Variants in ZFHX4 observed in about 807,000 individuals in gnomAD.
ZFHX4 encodes the protein zinc finger homeobox protein 4.
A neutral mutation model predicts 267.6 loss-of-function variants in ZFHX4; 56 were observed. That is an observed-to-expected ratio of 0.21 (90% CI 0.17 to 0.26). The LOEUF (loss-of-function observed/expected upper bound fraction) is 0.26, where lower values mean the gene tolerates loss of function less well. Among genes scored for constraint, ZFHX4 ranks in the 10% least tolerant of loss-of-function variants. The pLI, the probability that ZFHX4 is intolerant of heterozygous loss-of-function variation, is 1.00. For synonymous variants in ZFHX4, 1,778 were observed against 1,665.6 expected (o/e 1.07, Z -1.64); for missense variants, 4,332 against 4,420.0 (o/e 0.98, Z 0.56).
chr8:76,863,965 C>T lies in ZFHX4; in HGVS notation c.10251C>T (p.Ala3417=), dbSNP rs371575243. The change falls in exon 11 of 11, where the codon GCC becomes GCT. Residue 3417 remains alanine (A), a synonymous_variant. Transcript: ENST00000651372. ...AGATGATGTTTACTGATGAAGACGC[C>T]GCAGTAAATCATCAAAAGTCCTTCT... The part of the protein sequence containing the change: ...KCQMMFTDED[A]AVNHQKSFCY... 1.0e-4 allele frequency: 164 copies of T among 1,611,726 alleles called. No homozygotes were observed. Among genetic ancestry groups the T allele is most frequent in the East Asian group, 5.6e-4 (25 of 44,702 alleles).
chr8:76,722,417 G>T (rs967861598), intron 3 of ZFHX4, among the ~76,000 whole-genome samples: 1 of 151,924 alleles, frequency 6.6e-6, no homozygotes, highest in African/African-American at 2.4e-5. Context: ...ATCAATTTTT[G>T]ATATCCTCCC....
At chr8:76,804,529 C>T (rs1811198113) in intron 4 of ZFHX4, among the ~76,000 whole-genome samples, 1 of 152,126 alleles carries the variant, frequency 6.6e-6, no homozygotes, top group East Asian at 1.9e-4. Context: ...AATCTATATA[C>T]TGAAGAAAAG....
rs1809875884 is a variant in ZFHX4, at chr8:76,760,317, A to G, written c.3094-17891A>G. 2.0e-5 allele frequency among the ~76,000 whole-genome samples: 3 copies of G among 152,164 alleles called. 1 individual carries two copies. On this transcript the variant is annotated intron_variant, in intron 3 of 10. Coordinates refer to ENST00000651372, the MANE Select transcript of ZFHX4 (RefSeq NM_024721.5). ...CATGTGGATTGCGGCCTTTGAGCAG[A>G]CACAAATTGTTTTATTCATTCCTTT...
intron 6 of ZFHX4, among the ~76,000 whole-genome samples, chr8:76,843,945 A>G (rs2131919829): frequency 6.6e-6 from 1 of 152,234 alleles, no homozygotes; most frequent in East Asian, 1.9e-4. Flanking sequence ...GAGGCCAGTG[A>G]GAAAAGCGTC....
Position 76,852,912 on chromosome 8 carries a change from A to T in ZFHX4, c.5991A>T (p.Pro1997=). Residue 1997 remains proline, a synonymous_variant, in exon 10 of 11, where the codon CCA becomes CCT. Transcript: ENST00000651372. ...ATGACAAGCTTTATCCAATTTCTCCATCTTCTCCAGAAACGCCGCCCCCGC... is the reference window on the plus strand; with the variant it reads ...ATGACAAGCTTTATCCAATTTCTCCTTCTTCTCCAGAAACGCCGCCCCCGC... ...EAYDKLYPIS[P]SSPETPPPPP... is the part of the protein sequence containing the mutation. 1 of 1,609,864 alleles carries T rather than the reference A, an allele frequency of 6.2e-7. No homozygotes were observed. Among genetic ancestry groups the T allele is most frequent in the Non-Finnish European group, 8.5e-7 (1 of 1,177,878 alleles).
chr8:76,806,521 T>G (rs753750331), intron 4 of ZFHX4, among the ~76,000 whole-genome samples: 2 of 152,136 alleles, frequency 1.3e-5, no homozygotes, highest in Non-Finnish European at 2.9e-5. Context: ...TGATAATTTA[T>G]TTTATCGGAC....
chr8:76,729,445 A>G (rs1296580976), intron 3 of ZFHX4, among the ~76,000 whole-genome samples: 1 of 152,210 alleles, frequency 6.6e-6, no homozygotes, highest in Non-Finnish European at 1.5e-5. Context: ...TAAATTGTTA[A>G]TTAACAAGCC....
intron 1 of ZFHX4, among the ~76,000 whole-genome samples, chr8:76,698,284 C>A (rs1401942947): frequency 6.6e-6 from 1 of 151,968 alleles, no homozygotes; most frequent in Middle Eastern, 3.2e-3. Flanking sequence ...TAAAATTTTC[C>A]TGAAGCAAAC....
chr8:76,850,940 A>G lies in ZFHX4; in HGVS notation c.4019A>G (p.Asn1340Ser). Reference sequence around the variant, plus strand: ...GCAGGTCTCGAGGATTCAAAGGCTAATGTGGAAGTAAAGAATGAGGAGCAG... The same window carrying G: ...GCAGGTCTCGAGGATTCAAAGGCTAGTGTGGAAGTAAAGAATGAGGAGCAG... ...SMAGLEDSKA[N>S]VEVKNEEQKP... The change falls in exon 10 of 11, where the codon AAT becomes AGT. Residue 1340 changes from asparagine (N) to serine (S), a missense_variant. Transcript: ENST00000651372. 1 of 1,613,380 alleles carries G rather than the reference A, an allele frequency of 6.2e-7. No individual in the cohort carries two copies. The highest frequency in any genetic ancestry group is 1.1e-5 in the South Asian group (1 of 90,944).
chr8:76,707,066 A>G (rs1808296171), intron 2 of ZFHX4, among the ~76,000 whole-genome samples: 1 of 152,228 alleles, frequency 6.6e-6, no homozygotes, highest in African/African-American at 2.4e-5. Flanking sequence ...TTTTGAATTA[A>G]ATATATTTAA....
intron 3 of ZFHX4, among the ~76,000 whole-genome samples, chr8:76,764,258 T>C (rs949817845): frequency 2.0e-5 from 3 of 152,224 alleles, no homozygotes; most frequent in African/African-American, 7.2e-5. Context: ...GAGATTACTT[T>C]GTCTGGAGAG....
At chr8:76,701,813 T>C (rs1413134834) in intron 1 of ZFHX4, among the ~76,000 whole-genome samples, 1 of 152,128 alleles carries the variant, frequency 6.6e-6, no homozygotes, top group African/African-American at 2.4e-5. Flanking sequence ...TTTTTTTACA[T>C]ATCAGATATG....
intron 3 of ZFHX4, among the ~76,000 whole-genome samples, chr8:76,721,714 G>A (rs943979688): frequency 6.6e-6 from 1 of 152,060 alleles, no homozygotes; most frequent in African/African-American, 2.4e-5. Context: ...TTTCTGATTT[G>A]CAGAACTTTG....
At chr8:76,790,432 T>C (rs2131804209) in intron 4 of ZFHX4, among the ~76,000 whole-genome samples, 1 of 152,212 alleles carries the variant, frequency 6.6e-6, no homozygotes, top group Non-Finnish European at 1.5e-5. Context: ...ATCACAATAA[T>C]GAATTATTAC....
In ZFHX4 at chr8:76,851,447, T is replaced by C. The variant is rs1430493439; in HGVS notation, c.4526T>C (p.Ile1509Thr). Residue 1509 changes from isoleucine to threonine, a missense_variant, in exon 10 of 11, where the codon ATT (isoleucine) becomes ACT (threonine). This residue lies in a region of ZFHX4 where 1,371 missense variants were observed against 1,423.1 expected (regional missense o/e 0.96). Transcript: ENST00000651372. The part of the protein sequence containing the change: ...ASPVGSDSSS[I>T]PDDMGSEPKR... ...CCTGTAGGAAGTGATAGTAGCTCTA[T>C]TCCAGATGACATGGGCTCTGAACCA... The C allele has an allele frequency of 1.2e-6, 2 of 1,613,882 alleles. No homozygotes were observed. Among genetic ancestry groups the C allele is most frequent in the Admixed American group, 1.7e-5 (1 of 60,022 alleles).
intron 3 of ZFHX4, among the ~76,000 whole-genome samples, chr8:76,730,122 C>T (rs2131659506): frequency 6.6e-6 from 1 of 152,222 alleles, no homozygotes; most frequent in South Asian, 2.1e-4. Flanking sequence ...AATAATTCAT[C>T]TTGAATCAGA....
At chr8:76,774,271 G>T (rs1314046569) in intron 3 of ZFHX4, among the ~76,000 whole-genome samples, 1 of 152,084 alleles carries the variant, frequency 6.6e-6, no homozygotes, top group East Asian at 1.9e-4. Flanking sequence ...AAAAAAAATT[G>T]AAGTGATATC....
chr8:76,822,871 C>T (rs1391513384), intron 4 of ZFHX4, among the ~76,000 whole-genome samples: 2 of 152,128 alleles, frequency 1.3e-5, no homozygotes, highest in African/African-American at 4.8e-5. Flanking sequence ...GTCATTTACT[C>T]ACAAGTCATT....
intron 3 of ZFHX4, among the ~76,000 whole-genome samples, chr8:76,755,937 G>A (rs1285773727): frequency 6.6e-6 from 1 of 152,072 alleles, no homozygotes; most frequent in Non-Finnish European, 1.5e-5. Flanking sequence ...TATCCTCACA[G>A]CCCTCACAAC....
Sources: allele counts gnomAD v4.1 joint callset (sites outside exome capture counted in the v4.1 genomes callset), GRCh38; gene constraint gnomAD v4.1.1; regional missense constraint gnomAD v4.1.1; transcripts MANE v1.5; gene names NCBI Gene and HGNC (gene_info 2026-07-23, HGNC 2026-07-21).